The following TYR variants were observed in gnomAD, a reference collection of about 807,000 sequenced individuals.
The protein encoded by TYR is tyrosinase, also known as LB24-AB.
In TYR, 58 loss-of-function variants were observed where a neutral mutation model predicts 51.5. The observed-to-expected ratio is 1.13, with a 90% CI of 0.91 to 1.40. The LOEUF is 1.40. Among genes scored for constraint, TYR ranks in the 40% most tolerant of loss-of-function variants. The pLI, the probability that TYR is intolerant of heterozygous loss-of-function variation, is 0.00. For missense variants in TYR, 732 were observed against 647.4 expected (o/e 1.13, Z -1.42); for synonymous variants, 263 against 235.2 (o/e 1.12, Z -1.08).
intron 4 of TYR, among the ~76,000 whole-genome samples, chr11:89,289,413 C>T (rs901955841): frequency 6.6e-6 from 1 of 151,972 alleles, no homozygotes; most frequent in Non-Finnish European, 1.5e-5. Flanking sequence ...ATTATATGCT[C>T]AGAGTCTAAT....
intron 4 of TYR, among the ~76,000 whole-genome samples, chr11:89,288,241 T>A (rs1374480506): frequency 6.6e-6 from 1 of 151,904 alleles, no homozygotes; most frequent in African/African-American, 2.4e-5. Context: ...CATGGAAGGG[T>A]GATTTTTATT....
intron 3 of TYR, among the ~76,000 whole-genome samples, chr11:89,278,950 C>T (rs1944688756): frequency 6.6e-6 from 1 of 151,564 alleles, no homozygotes; most frequent in Non-Finnish European, 1.5e-5. Flanking sequence ...TGTAAAATGT[C>T]CCACAGTTGA....
In TYR at chr11:89,293,399, A is replaced by G. The variant is rs144965879; in HGVS notation, c.1367-1744A>G. Among the ~76,000 whole-genome samples, 151 of 151,884 alleles carry G rather than the reference A, an allele frequency of 9.9e-4. 1 individual carries two copies. The highest frequency in any genetic ancestry group is 1.0e-3 in the Non-Finnish European group (70 of 67,940). On this transcript the variant is annotated intron_variant, in intron 4 of 4. Transcript: ENST00000263321. ...CCAGAATGGTCCTTAGGATAAACGC[A>G]AGTTCTGATTGAGTAATGACTATGG...
At chr11:89,208,394 ATACT>A (rs1943702479) in intron 2 of TYR, among the ~76,000 whole-genome samples, 1 of 152,248 alleles carries the variant, frequency 6.6e-6, no homozygotes, top group Admixed American at 6.5e-5. Flanking sequence ...GCAAGGAGCA[ATACT>A]TACTTTTATT....
intron 1 of TYR, among the ~76,000 whole-genome samples, chr11:89,187,095 T>C (rs111774241): frequency 2.0e-5 from 3 of 152,214 alleles, no homozygotes; most frequent in African/African-American, 7.2e-5. Flanking sequence ...CTCAAACAAG[T>C]CTTAGCATGG....
At chr11:89,203,124 T>C (rs556364342) in intron 2 of TYR, among the ~76,000 whole-genome samples, 2 of 152,350 alleles carry the variant, frequency 1.3e-5, no homozygotes, top group African/African-American at 4.8e-5. Context: ...TTAGTACTTG[T>C]TGAGCACCTG....
intron 1 of TYR, among the ~76,000 whole-genome samples, chr11:89,184,761 A>G (rs1450427349): frequency 6.6e-6 from 1 of 152,192 alleles, no homozygotes; most frequent in Non-Finnish European, 1.5e-5. Flanking sequence ...CATTGCCAGT[A>G]AGAAAATTAG....
intron 2 of TYR, among the ~76,000 whole-genome samples, chr11:89,218,629 C>T (rs1943866636): frequency 1.3e-5 from 2 of 152,174 alleles, no homozygotes; most frequent in African/African-American, 4.8e-5. Flanking sequence ...ACCAGATAGC[C>T]TCTGTAATTA....
chr11:89,253,828 G>A (rs1243254259), intron 3 of TYR, among the ~76,000 whole-genome samples: 1 of 151,688 alleles, frequency 6.6e-6, no homozygotes, highest in Non-Finnish European at 1.5e-5. Flanking sequence ...TATTTCTCTT[G>A]TCTGATTGCT....
At chr11:89,262,847 CAAA>C (rs771958187) in intron 3 of TYR, among the ~76,000 whole-genome samples, 1 of 19,304 alleles carries the variant, frequency 5.2e-5, no homozygotes, top group Admixed American at 7.5e-4. Flanking sequence ...GCTACTCATC[CAAA>C]AAAAAAAAAA....
At chr11:89,194,155 A>G (rs1020368741) in intron 2 of TYR, among the ~76,000 whole-genome samples, 4 of 152,192 alleles carry the variant, frequency 2.6e-5, no homozygotes, top group Admixed American at 6.5e-5. Flanking sequence ...ATGGTTCTTT[A>G]GTCTGAAATA....
At chr11:89,216,827 G>C (rs566505032) in intron 2 of TYR, among the ~76,000 whole-genome samples, 2 of 151,920 alleles carry the variant, frequency 1.3e-5, no homozygotes, top group South Asian at 4.2e-4. Context: ...CACCCTAATC[G>C]AAAGGGTGAA....
At position 89,295,357 on chromosome 11, in the gene TYR, C is replaced by T; in HGVS notation, c.1581C>T (p.Ser527=). Residue 527 remains serine, a synonymous_variant, in exon 5 of 5, where the codon AGC becomes AGT. Coordinates refer to ENST00000263321, the MANE Select transcript of TYR (RefSeq NM_000372.5). The stretch of plus-strand genomic sequence containing the variant: ...AGGATTACCACAGCTTGTATCAGAG[C>T]CATTTATAAAAGGCTTAGGCAATAG... The part of the protein sequence containing the change: ...EKEDYHSLYQ[S]HL The T allele has an allele frequency of 1.2e-6, 2 of 1,609,166 alleles. No homozygotes were observed. Among genetic ancestry groups the T allele is most frequent in the South Asian group, 1.1e-5 (1 of 90,632 alleles).
At chr11:89,242,783 T>C (rs1944216436) in intron 3 of TYR, among the ~76,000 whole-genome samples, 3 of 152,180 alleles carry the variant, frequency 2.0e-5, no homozygotes, top group Admixed American at 2.0e-4. Context: ...ATCACTAAAA[T>C]GGGAATCCCT....
intron 2 of TYR, among the ~76,000 whole-genome samples, chr11:89,214,750 A>G (rs1285896359): frequency 2.0e-5 from 3 of 152,180 alleles, no homozygotes; most frequent in Non-Finnish European, 4.4e-5. Flanking sequence ...AGCACCAAAT[A>G]TCAGAGCCAA....
chr11:89,274,050 C>T (rs1258986906), intron 3 of TYR, among the ~76,000 whole-genome samples: 2 of 151,832 alleles, frequency 1.3e-5, no homozygotes, highest in African/African-American at 2.4e-5. Context: ...TTGAATTTTA[C>T]AGAGACACAG....
chr11:89,280,996 T>C (rs145473628), intron 3 of TYR, among the ~76,000 whole-genome samples: 16 of 151,846 alleles, frequency 1.1e-4, no homozygotes, highest in Middle Eastern at 3.4e-3. Flanking sequence ...TAATCCACTG[T>C]TGTTATACTG....
At chr11:89,236,639 G>C (rs377195425) in intron 3 of TYR, among the ~76,000 whole-genome samples, 1 of 152,174 alleles carries the variant, frequency 6.6e-6, no homozygotes, top group Non-Finnish European at 1.5e-5. Context: ...CTCTCAAGTT[G>C]CTACCTATGA....
At chr11:89,190,639 G>A (rs563072205) in intron 1 of TYR, among the ~76,000 whole-genome samples, 20 of 151,732 alleles carry the variant, frequency 1.3e-4, no homozygotes, top group South Asian at 2.1e-4. Context: ...TAATGTAGCC[G>A]ATATATATAT....
Sources: allele counts gnomAD v4.1 joint callset (sites outside exome capture counted in the v4.1 genomes callset), GRCh38; gene constraint gnomAD v4.1.1; transcripts MANE v1.5; gene names NCBI Gene and HGNC (gene_info 2026-07-23, HGNC 2026-07-21).